The following CLSTN2 variants were observed in gnomAD, a reference collection of about 807,000 sequenced individuals.
The protein encoded by CLSTN2 is calsyntenin 2, also known as calsyntenin-2.
A neutral mutation model predicts 101.2 loss-of-function variants in CLSTN2; 48 were observed. The observed-to-expected ratio is 0.47, with a 90% confidence interval of 0.38 to 0.60. The LOEUF (loss-of-function observed/expected upper bound fraction) is 0.60. Among genes scored for constraint, CLSTN2 ranks in the 20% least tolerant of loss-of-function variants. The pLI, the probability that CLSTN2 is intolerant of heterozygous loss-of-function variation, is 0.00. For synonymous variants in CLSTN2, 481 were observed against 463.6 expected, an observed-to-expected ratio of 1.04 and a Z score of -0.48; for missense variants, 1,160 against 1,238.2, an observed-to-expected ratio of 0.94 and a Z score of 0.95.
rs1407785381 is a variant in CLSTN2, at chr3:140,043,264, C to T, written c.109+107781C>T. On this transcript the variant is annotated intron_variant, in intron 1 of 16. Coordinates refer to ENST00000458420, the MANE Select transcript of CLSTN2 (RefSeq NM_022131.3). ...CATTGTGGTTTTGATTTGCATTTCT[C>T]TGATGGCCAGTGATGATGAGCATTT... 2.6e-5 allele frequency among the ~76,000 whole-genome samples: 4 copies of T among 152,188 alleles called. No individual in the cohort carries two copies. The East Asian group carries it at 7.7e-4, about 29-fold the overall frequency.
chr3:140,218,410 CCTTA>C (rs963365101), intron 2 of CLSTN2, among the ~76,000 whole-genome samples: 1 of 152,098 alleles, frequency 6.6e-6, no homozygotes, highest in African/African-American at 2.4e-5. Flanking sequence ...TTATTATTAT[CCTTA>C]CTTCTTGAGC....
At position 140,403,827 on chromosome 3, in the gene CLSTN2, G is replaced by A. The variant is rs780128193; in HGVS notation, c.428+3G>A. 4.4e-6 allele frequency: 7 copies of A among 1,606,166 alleles called. No individual in the cohort carries two copies. The highest frequency in any genetic ancestry group is 6.0e-6 in the Non-Finnish European group (7 of 1,175,052). On this transcript the variant is annotated splice_donor_region_variant and intron_variant, in intron 3 of 16. Coordinates refer to ENST00000458420, the MANE Select transcript of CLSTN2 (RefSeq NM_022131.3). Reference sequence around the variant, plus strand: ...ACAGCCTGGAAAAAGTCACACAAGTGAGTGGCCTGACAGAGCCCTCTGGAC... The same window carrying A: ...ACAGCCTGGAAAAAGTCACACAAGTAAGTGGCCTGACAGAGCCCTCTGGAC...
intron 1 of CLSTN2, among the ~76,000 whole-genome samples, chr3:140,086,535 T>C (rs1376794028): frequency 6.6e-6 from 1 of 152,200 alleles, no homozygotes; most frequent in African/African-American, 2.4e-5. Context: ...GCAACGTAAG[T>C]ATTTGCTGTT....
intron 1 of CLSTN2, among the ~76,000 whole-genome samples, chr3:140,158,999 C>T (rs2010003500): frequency 6.6e-6 from 1 of 152,034 alleles, no homozygotes; most frequent in South Asian, 2.1e-4. Flanking sequence ...GAAACTGGAC[C>T]CCTACCTTTT....
intron 2 of CLSTN2, among the ~76,000 whole-genome samples, chr3:140,212,332 C>A (rs1205381375): frequency 1.3e-5 from 2 of 152,228 alleles, no homozygotes; most frequent in African/African-American, 4.8e-5. Flanking sequence ...AGGCAGCCAT[C>A]AGTGTCCTGT....
intron 1 of CLSTN2, among the ~76,000 whole-genome samples, chr3:140,120,793 G>T (rs969636644): frequency 1.3e-5 from 2 of 152,230 alleles, no homozygotes; most frequent in Non-Finnish European, 1.5e-5. Context: ...GCTGTGAAGT[G>T]TTCCCAGTGG....
rs143878369 is a variant in CLSTN2, at chr3:140,368,564, C to T, written c.233-35065C>T. Reference sequence around the variant, plus strand: ...GGTATCTATGTCCCTGGTTCCTGCCCGATCCCCTGTGGTTTCTCTACACTC... The same window carrying T: ...GGTATCTATGTCCCTGGTTCCTGCCTGATCCCCTGTGGTTTCTCTACACTC... On this transcript the variant is annotated intron_variant, in intron 2 of 16. Transcript: ENST00000458420. Among the ~76,000 whole-genome samples, 272 of 152,296 alleles carry T rather than the reference C, an allele frequency of 1.8e-3. 2 individuals carry two copies. Among genetic ancestry groups the T allele is most frequent in the South Asian group, 0.017 (80 of 4,826 alleles).
chr3:140,187,436 G>T (rs185271392), intron 2 of CLSTN2, among the ~76,000 whole-genome samples: 4 of 152,112 alleles, frequency 2.6e-5, no homozygotes, highest in Admixed American at 2.6e-4. Flanking sequence ...GGAGGAAAAG[G>T]CCTTTCTCTT....
At chr3:140,386,049 C>CATGAAA (rs1382080385) in intron 2 of CLSTN2, among the ~76,000 whole-genome samples, 16 of 152,170 alleles carry the variant, frequency 1.1e-4, no homozygotes, top group Non-Finnish European at 2.1e-4. Context: ...CATGAAGGTG[C>CATGAAA]CACCATTCAT....
intron 5 of CLSTN2, among the ~76,000 whole-genome samples, chr3:140,446,211 A>G (rs765142006): frequency 1.3e-5 from 2 of 152,152 alleles, no homozygotes; most frequent in African/African-American, 2.4e-5. Flanking sequence ...CTTTTAGAGC[A>G]TGGGCTGCAG....
chr3:140,551,270 G>A (rs1935693850), intron 10 of CLSTN2, among the ~76,000 whole-genome samples: 1 of 152,204 alleles, frequency 6.6e-6, no homozygotes, highest in Non-Finnish European at 1.5e-5. Flanking sequence ...GAGAATTGAG[G>A]CCCTTTTGTG....
intron 1 of CLSTN2, among the ~76,000 whole-genome samples, chr3:140,008,817 C>G (rs1373321403): frequency 6.6e-6 from 1 of 152,232 alleles, no homozygotes; most frequent in Non-Finnish European, 1.5e-5. Context: ...TGCCCAGTTA[C>G]TGGCTTGATT....
chr3:140,256,641 G>T (rs933273318), intron 2 of CLSTN2, among the ~76,000 whole-genome samples: 1 of 152,164 alleles, frequency 6.6e-6, no homozygotes, highest in Non-Finnish European at 1.5e-5. Context: ...GAACATATTT[G>T]GACCTGACAT....
chr3:140,298,975 T>C (rs2087028956), intron 2 of CLSTN2, among the ~76,000 whole-genome samples: 1 of 152,152 alleles, frequency 6.6e-6, no homozygotes, highest in Non-Finnish European at 1.5e-5. Flanking sequence ...CACCCAGTGG[T>C]GGACCTGTGG....
intron 1 of CLSTN2, among the ~76,000 whole-genome samples, chr3:140,137,021 A>T (rs2009625560): frequency 6.6e-6 from 1 of 152,214 alleles, no homozygotes; most frequent in Admixed American, 6.5e-5. Context: ...TCTAGATTAT[A>T]TTGGAGGTTG....
intron 2 of CLSTN2, among the ~76,000 whole-genome samples, chr3:140,276,358 A>C (rs1367553324): frequency 2.0e-5 from 3 of 152,080 alleles, no homozygotes; most frequent in African/African-American, 7.2e-5. Flanking sequence ...TTTCATTTCC[A>C]TACCCTCTTG....
At chr3:140,156,226 G>A (rs1448237733) in intron 1 of CLSTN2, among the ~76,000 whole-genome samples, 2 of 152,164 alleles carry the variant, frequency 1.3e-5, no homozygotes, top group African/African-American at 4.8e-5. Context: ...GGGTCAGTGG[G>A]ATTGATTACC....
intron 1 of CLSTN2, among the ~76,000 whole-genome samples, chr3:140,142,601 T>G (rs1244334094): frequency 6.6e-6 from 1 of 152,192 alleles, no homozygotes; most frequent in East Asian, 1.9e-4. Flanking sequence ...TCTGTGTTGG[T>G]TTTTCTTCTT....
At chr3:140,054,184 G>A (rs1184720462) in intron 1 of CLSTN2, among the ~76,000 whole-genome samples, 2 of 152,236 alleles carry the variant, frequency 1.3e-5, no homozygotes, top group Non-Finnish European at 2.9e-5. Flanking sequence ...CTTGAACTAG[G>A]ACTTCAAGAA....
Sources: allele counts gnomAD v4.1 joint callset (sites outside exome capture counted in the v4.1 genomes callset), GRCh38; gene constraint gnomAD v4.1.1; transcripts MANE v1.5; gene names NCBI Gene and HGNC (gene_info 2026-07-23, HGNC 2026-07-21).